ARHGAP25: variants seen among roughly 807,000 people sequenced by gnomAD.
ARHGAP25 encodes the protein Rho GTPase activating protein 25, also known as rho GTPase-activating protein 25.
Under a neutral mutation model 71.0 loss-of-function variants are expected in ARHGAP25, and 34 were observed. The observed-to-expected ratio is 0.48, with a 90% CI of 0.36 to 0.64. The LOEUF is 0.64. Among genes scored for constraint, ARHGAP25 ranks in the 30% least tolerant of loss-of-function variants. ARHGAP25 has a pLI of 0.00. For synonymous variants in ARHGAP25, 282 were observed against 296.5 expected (o/e 0.95, Z 0.50); for missense variants, 706 against 805.1 (o/e 0.88, Z 1.49).
chr2:68,740,186 A>G (rs1675445664), intron 1 of ARHGAP25, among the ~76,000 whole-genome samples: 1 of 152,184 alleles, frequency 6.6e-6, no homozygotes, highest in Non-Finnish European at 1.5e-5. Flanking sequence ...ATGGTGCCTA[A>G]GAGGAATTCT....
intron 1 of ARHGAP25, 149 bp downstream of exon 1, chr2:68,735,409 G>T (rs1675162748): frequency 1.3e-6 from 1 of 796,208 alleles, no homozygotes; most frequent in Non-Finnish European, 2.1e-6. Flanking sequence ...AAGTTGGCAT[G>T]CCAGGTCCAA....
chr2:68,747,181 GA>G (rs983461226), intron 1 of ARHGAP25, among the ~76,000 whole-genome samples: 3 of 151,822 alleles, frequency 2.0e-5, no homozygotes, highest in African/African-American at 4.8e-5. Context: ...TTTTCTCCTT[GA>G]AAAAAAATTT....
chr2:68,782,134 C>CT (rs1678383422), intron 2 of ARHGAP25, 99 bp from the exon 3 acceptor site: 1 of 1,081,686 alleles, frequency 9.2e-7, no homozygotes, highest in African/African-American at 1.6e-5. Context: ...TCCTCCTACT[C>CT]TCCTCCCCAT....
intron 1 of ARHGAP25, among the ~76,000 whole-genome samples, chr2:68,745,447 C>T (rs373910386): frequency 5.3e-4 from 81 of 152,352 alleles, no homozygotes; most frequent in African/African-American, 1.8e-3. Context: ...TTAGGTCCTC[C>T]TTACCATAGA....
At position 68,782,270 on chromosome 2, in the gene ARHGAP25, TC is replaced by T. The variant is rs1226742090; in HGVS notation, c.300del (p.Ile100MetfsTer109). The T allele has an allele frequency of 6.2e-7, 1 of 1,614,156 alleles. No homozygotes were observed. Among genetic ancestry groups the T allele is most frequent in the Admixed American group, 1.7e-5 (1 of 60,016 alleles). On this transcript the variant is annotated frameshift_variant, in exon 3 of 11. Coordinates refer to ENST00000409202, the MANE Select transcript of ARHGAP25 (RefSeq NM_001007231.3). LOFTEE classifies it high-confidence loss of function. ...CTACCAGGATGTACAATCAAGGAGA[TC>T]GCCACAAACCCAGAAGAAGCTGGGA... Reference protein sequence around the residue: ...MYLPGCTIKEIATNPEEAGKF... With the variant: ...MYLPGCTIKEXATNPEEAGKF...
chr2:68,801,765 C>G (rs963389668), intron 4 of ARHGAP25, among the ~76,000 whole-genome samples: 1 of 152,130 alleles, frequency 6.6e-6, no homozygotes, highest in African/African-American at 2.4e-5. Context: ...AATTACATGA[C>G]AGTGATAACA....
intron 1 of ARHGAP25, among the ~76,000 whole-genome samples, chr2:68,759,972 A>G (rs1273059512): frequency 6.6e-6 from 1 of 152,058 alleles, no homozygotes. Context: ...CAACTGCACA[A>G]TAAAAGATTA....
At chr2:68,712,692 G>A (rs1573368331) in intron 2 of ARHGAP25, among the ~76,000 whole-genome samples, 1 of 152,290 alleles carries the variant, frequency 6.6e-6, no homozygotes. Context: ...TGTATAAAGT[G>A]TAAGGAAGGG....
rs1386007198 is a variant in ARHGAP25 at position 68,801,067 on chromosome 2, G to C, written c.467-6206G>C. ...ATGTTTCTGATTCCAAACTCCTCAT[G>C]TGATCTGAGATTAAGAGTGACAAAA... On this transcript the variant is annotated intron_variant, in intron 4 of 10. Transcript: ENST00000409202. 1.3e-5 allele frequency among the ~76,000 whole-genome samples: 2 copies of C among 151,848 alleles called. 1 individual carries two copies. The highest frequency in any genetic ancestry group is 4.8e-5 in the African/African-American group (2 of 41,328).
intron 1 of ARHGAP25, among the ~76,000 whole-genome samples, chr2:68,744,552 T>A (rs4854505): frequency 0.018 from 2,723 of 152,182 alleles, 71 homozygotes; most frequent in African/African-American, 0.063. Context: ...ATTAGACATA[T>A]GCAGTGTGAC....
At chr2:68,741,294 A>G (rs1675507044) in intron 1 of ARHGAP25, among the ~76,000 whole-genome samples, 1 of 152,198 alleles carries the variant, frequency 6.6e-6, no homozygotes, top group Non-Finnish European at 1.5e-5. Context: ...AACGCCAGCA[A>G]CTTCTATGTA....
At position 68,753,328 on chromosome 2, in the gene ARHGAP25, T is replaced by C. The variant is rs116437997; in HGVS notation, c.61+18068T>C. 2.7e-3 allele frequency among the ~76,000 whole-genome samples: 404 copies of C among 152,352 alleles called. 3 individuals carry two copies. The highest frequency in any genetic ancestry group is 9.4e-3 in the African/African-American group (393 of 41,588). ...TGAACATTAGTGGGTTTTCTGCTAC[T>C]TTCCACAAGAGAACTCCTGTGCAGG... On this transcript the variant is annotated intron_variant, in intron 1 of 10. Transcript: ENST00000409202.
chr2:68,713,069 G>T (rs1674525930), intron 2 of ARHGAP25, among the ~76,000 whole-genome samples: 1 of 152,130 alleles, frequency 6.6e-6, no homozygotes, highest in African/African-American at 2.4e-5. Flanking sequence ...GCTTGATAGG[G>T]ATGGCATTGA....
At chr2:68,742,899 C>T (rs1325770894) in intron 1 of ARHGAP25, among the ~76,000 whole-genome samples, 3 of 152,218 alleles carry the variant, frequency 2.0e-5, no homozygotes, top group African/African-American at 7.2e-5. Context: ...GTACTCACTT[C>T]CTTCTCAATT....
chr2:68,715,440 C>T (rs1402715477), intron 2 of ARHGAP25, among the ~76,000 whole-genome samples: 1 of 152,196 alleles, frequency 6.6e-6, no homozygotes, highest in Non-Finnish European at 1.5e-5. Flanking sequence ...TTTCTTCTTC[C>T]AGTGATTGGT....
intron 3 of ARHGAP25, among the ~76,000 whole-genome samples, chr2:68,784,462 A>G (rs1182177417): frequency 6.6e-6 from 1 of 151,920 alleles, no homozygotes; most frequent in Non-Finnish European, 1.5e-5. Flanking sequence ...AGTTGCACAA[A>G]CGTCACATAG....
chr2:68,783,228 T>G (rs1678473973), intron 3 of ARHGAP25, among the ~76,000 whole-genome samples: 1 of 152,206 alleles, frequency 6.6e-6, no homozygotes, highest in Admixed American at 6.5e-5. Flanking sequence ...CTTTTGATTT[T>G]TTGTCTATAA....
At chr2:68,716,455 A>G (rs945067279) in intron 2 of ARHGAP25, among the ~76,000 whole-genome samples, 1 of 152,122 alleles carries the variant, frequency 6.6e-6, no homozygotes, top group Non-Finnish European at 1.5e-5. Context: ...CAGACCATTC[A>G]AGGTAGATGG....
intron 4 of ARHGAP25, among the ~76,000 whole-genome samples, chr2:68,789,373 G>A (rs1232987077): frequency 1.3e-5 from 2 of 152,158 alleles, no homozygotes; most frequent in African/African-American, 4.8e-5. Flanking sequence ...CATTTATTTG[G>A]TTACAAATAG....
Sources: allele counts gnomAD v4.1 joint callset (sites outside exome capture counted in the v4.1 genomes callset), GRCh38; gene constraint gnomAD v4.1.1; transcripts MANE v1.5; gene names NCBI Gene and HGNC (gene_info 2026-07-23, HGNC 2026-07-21).